Variants in KCTD16 observed in about 807,000 individuals in gnomAD.
The protein encoded by KCTD16 is potassium channel tetramerization domain containing 16.
Under a neutral mutation model 33.2 loss-of-function variants are expected in KCTD16, and 13 were observed. That is an observed-to-expected ratio of 0.39 (90% CI 0.25 to 0.62). KCTD16 has a LOEUF of 0.62. Ranked by LOEUF, KCTD16 falls within the 20% of genes least tolerant of loss-of-function variation. The pLI, the probability that KCTD16 is intolerant of heterozygous loss-of-function variation, is 0.50. For missense variants in KCTD16, 441 were observed against 525.1 expected (o/e 0.84, Z 1.57); for synonymous variants, 197 against 195.3 (o/e 1.01, Z -0.07).
intron 3 of KCTD16, among the ~76,000 whole-genome samples, chr5:144,229,652 G>A (rs1754039235): frequency 6.6e-6 from 1 of 152,178 alleles, no homozygotes; most frequent in African/African-American, 2.4e-5. Flanking sequence ...CTAGGAGAGG[G>A]TAGACTGGGA....
intron 3 of KCTD16, among the ~76,000 whole-genome samples, chr5:144,210,454 GC>G (rs1297238609): frequency 6.6e-6 from 1 of 152,128 alleles, no homozygotes; most frequent in Non-Finnish European, 1.5e-5. Context: ...CCTAGGGATT[GC>G]CTTACAAAGT....
intron 3 of KCTD16, among the ~76,000 whole-genome samples, chr5:144,471,454 G>A (rs1754471050): frequency 6.6e-6 from 1 of 152,040 alleles, no homozygotes; most frequent in African/African-American, 2.4e-5. Flanking sequence ...TTTTGTAAAA[G>A]CTAAATTCAA....
At chr5:144,282,233 G>A (rs1755626738) in intron 3 of KCTD16, among the ~76,000 whole-genome samples, 1 of 152,102 alleles carries the variant, frequency 6.6e-6, no homozygotes, top group South Asian at 2.1e-4. Flanking sequence ...TCTATGTAAT[G>A]GAGCCTCTAT....
At chr5:144,322,752 T>C (rs768533215) in intron 3 of KCTD16, among the ~76,000 whole-genome samples, 4 of 151,756 alleles carry the variant, frequency 2.6e-5, no homozygotes, top group African/African-American at 9.7e-5. Flanking sequence ...CAAAAACTTC[T>C]GAACTCATGA....
At chr5:144,351,013 G>A (rs1482696420) in intron 3 of KCTD16, among the ~76,000 whole-genome samples, 1 of 152,114 alleles carries the variant, frequency 6.6e-6, no homozygotes, top group Middle Eastern at 3.4e-3. Flanking sequence ...TCAAAATCTA[G>A]GTCTGAACAC....
chr5:144,317,623 C>T (rs1465486504), intron 3 of KCTD16, among the ~76,000 whole-genome samples: 1 of 152,180 alleles, frequency 6.6e-6, no homozygotes, highest in East Asian at 1.9e-4. Context: ...AGTTCCTCTG[C>T]CCTTATTTCT....
chr5:144,239,590 A>G (rs1754345554), intron 3 of KCTD16, among the ~76,000 whole-genome samples: 1 of 152,126 alleles, frequency 6.6e-6, no homozygotes, highest in Non-Finnish European at 1.5e-5. Context: ...GTGTCACCAG[A>G]TTCTCCTAGA....
In KCTD16 at chr5:144,473,928, G is replaced by A. The variant is rs1458094634; in HGVS notation, c.1101G>A (p.Arg367=). 6.2e-7 allele frequency: 1 copy of A among 1,613,890 alleles called. No homozygotes were observed. Among genetic ancestry groups the A allele is most frequent in the Non-Finnish European group, 8.5e-7 (1 of 1,180,010 alleles). The change falls in exon 4 of 4, where the codon CGG becomes CGA. Residue 367 remains arginine, a synonymous_variant. Transcript: ENST00000512467. ...TGCGGCGGAAAAGCGACTTACTCCG[G>A]ACTCTGACTTCAGGCTCCAGGGAAT... The part of the protein sequence containing the change: ...SEMRRKSDLL[R]TLTSGSRESN...
At chr5:144,397,123 T>A (rs553328270) in intron 3 of KCTD16, among the ~76,000 whole-genome samples, 205 of 133,430 alleles carry the variant, frequency 1.5e-3, no homozygotes, top group Non-Finnish European at 2.4e-3. Context: ...CCTTCCTGTG[T>A]CCAAGTGTTC....
At chr5:144,172,255 A>C (rs1223927798) in intron 1 of KCTD16, among the ~76,000 whole-genome samples, 2 of 152,248 alleles carry the variant, frequency 1.3e-5, no homozygotes, top group Non-Finnish European at 2.9e-5. Context: ...GTTTTTACCC[A>C]TTAGCGAATT....
intron 3 of KCTD16, among the ~76,000 whole-genome samples, chr5:144,341,610 T>C (rs4912972): frequency 1.3e-5 from 2 of 152,236 alleles, no homozygotes; most frequent in Non-Finnish European, 2.9e-5. Flanking sequence ...GTATTCATTG[T>C]TGGTTTTTGA....
chr5:144,445,834 G>C (rs1020839509), intron 3 of KCTD16, among the ~76,000 whole-genome samples: 6 of 151,616 alleles, frequency 4.0e-5, no homozygotes, highest in Non-Finnish European at 8.8e-5. Context: ...TCTTAGAAAA[G>C]AGTCCTGATA....
chr5:144,466,699 G>C (rs1317411739), intron 3 of KCTD16, among the ~76,000 whole-genome samples: 1 of 151,506 alleles, frequency 6.6e-6, no homozygotes, highest in Non-Finnish European at 1.5e-5. Flanking sequence ...CTCACCACTT[G>C]TCAACTTTAT....
intron 3 of KCTD16, among the ~76,000 whole-genome samples, chr5:144,234,352 G>A (rs977085759): frequency 2.6e-5 from 4 of 152,052 alleles, no homozygotes; most frequent in Non-Finnish European, 5.9e-5. Context: ...ATATATAATC[G>A]CTTCACACAT....
At chr5:144,400,820 C>A (rs1243323809) in intron 3 of KCTD16, among the ~76,000 whole-genome samples, 2 of 152,058 alleles carry the variant, frequency 1.3e-5, no homozygotes, top group Non-Finnish European at 2.9e-5. Flanking sequence ...TCAGAAAAGA[C>A]CTCTTTAAGG....
intron 3 of KCTD16, among the ~76,000 whole-genome samples, chr5:144,347,174 A>C (rs1312551610): frequency 6.6e-6 from 1 of 152,216 alleles, no homozygotes; most frequent in Non-Finnish European, 1.5e-5. Context: ...GCCATTGAGC[A>C]CGTAAGCTGT....
At position 144,482,821 on chromosome 5, in the gene KCTD16, A is replaced by ATGGGTG. The variant is rs1754731643; in HGVS notation, c.*8708_*8709insGGGTGT. On this transcript the variant is annotated 3_prime_UTR_variant, in exon 4 of 4. Coordinates refer to ENST00000512467, the MANE Select transcript of KCTD16 (RefSeq NM_020768.4). ...TATAAATATATATCTATAGCTGTAC[A>ATGGGTG]TATGTATACACCCATAAACAAAGCT... The ATGGGTG allele has an allele frequency of 6.6e-6, 1 of 151,778 alleles. No homozygotes were observed. The highest frequency in any genetic ancestry group is 1.5e-5 in the Non-Finnish European group (1 of 67,878). The allele number at this position is 151,778 out of a possible 1,614,324, so 9.4% of individuals were successfully genotyped here.
chr5:144,254,318 T>A (rs1438491045), intron 3 of KCTD16, among the ~76,000 whole-genome samples: 1 of 131,950 alleles, frequency 7.6e-6, no homozygotes, highest in Admixed American at 7.9e-5. Flanking sequence ...TTTTTTTTGT[T>A]TTTTTAGTTA....
At chr5:144,382,338 T>A (rs1226817874) in intron 3 of KCTD16, among the ~76,000 whole-genome samples, 1 of 152,060 alleles carries the variant, frequency 6.6e-6, no homozygotes, top group Non-Finnish European at 1.5e-5. Flanking sequence ...CAATACGCAA[T>A]TTACTCAGGT....
Sources: allele counts gnomAD v4.1 joint callset (sites outside exome capture counted in the v4.1 genomes callset), GRCh38; gene constraint gnomAD v4.1.1; transcripts MANE v1.5; gene names NCBI Gene and HGNC (gene_info 2026-07-23, HGNC 2026-07-21).